Variants in CDYL observed in about 807,000 individuals in gnomAD.
CDYL encodes chromodomain Y like, also known as chromodomain Y-like protein.
CDYL carries 8 observed loss-of-function variants against 47.3 expected under a neutral mutation model. The ratio of observed to expected loss-of-function variants is 0.17; its 90% CI spans 0.10 to 0.31. The LOEUF (loss-of-function observed/expected upper bound fraction) is 0.31, where lower values mean the gene tolerates loss of function less well. CDYL is among the 10% of genes least tolerant of loss of function. CDYL has a pLI of 1.00. For missense variants in CDYL, 471 were observed against 701.4 expected (o/e 0.67, Z 3.71); for synonymous variants, 266 against 265.0 (o/e 1.00, Z -0.04).
intron 1 of CDYL, among the ~76,000 whole-genome samples, chr6:4,811,608 CT>C (rs397975784): frequency 0.016 from 2,044 of 126,710 alleles, 11 homozygotes; most frequent in African/African-American, 0.03. Context: ...TGACATTATT[CT>C]TTTTTTTTTT....
intron 3 of CDYL, among the ~76,000 whole-genome samples, chr6:4,757,917 G>T (rs1298688590): frequency 6.6e-6 from 1 of 151,912 alleles, no homozygotes; most frequent in Non-Finnish European, 1.5e-5. Context: ...CCAAAAGATG[G>T]CTTTATCACT....
intron 1 of CDYL, among the ~76,000 whole-genome samples, chr6:4,795,366 A>G (rs1759041469): frequency 6.6e-6 from 1 of 151,966 alleles, no homozygotes; most frequent in Non-Finnish European, 1.5e-5. Flanking sequence ...TTTCCTAATC[A>G]TTGTTATAAT....
rs73362517 is a variant in CDYL at position 4,785,171 on chromosome 6, C to T, written c.24+8364C>T. The stretch of plus-strand genomic sequence containing the variant: ...GTAGCCTGGAAGCAATAGGCTCTAC[C>T]ATACAGCCTAGGTGTGTAGTAGGCT... On this transcript the variant is annotated intron_variant, in intron 1 of 6. Coordinates refer to ENST00000397588, the MANE Select transcript of CDYL (RefSeq NM_004824.4). 8.2e-3 allele frequency among the ~76,000 whole-genome samples: 1,248 copies of T among 152,288 alleles called. 11 individuals are homozygous for T. The highest frequency in any genetic ancestry group is 0.029 in the African/African-American group (1,205 of 41,548).
At chr6:4,721,164 A>T (rs1757362068) in intron 2 of CDYL, among the ~76,000 whole-genome samples, 1 of 152,214 alleles carries the variant, frequency 6.6e-6, no homozygotes, top group East Asian at 1.9e-4. Context: ...ATAGGGAAAC[A>T]ATAAACTATT....
chr6:4,720,653 A>C (rs529408606), intron 2 of CDYL, among the ~76,000 whole-genome samples: 2 of 152,322 alleles, frequency 1.3e-5, no homozygotes, highest in African/African-American at 4.8e-5. Flanking sequence ...AACTTGTCCA[A>C]CTCCTAGAAG....
chr6:4,939,997 CAG>C (rs149071403), intron 4 of CDYL, among the ~76,000 whole-genome samples: 15,432 of 152,214 alleles, frequency 0.1, 965 homozygotes, highest in South Asian at 0.16. Flanking sequence ...TCGCCGGGTG[CAG>C]CTCACTCCTC....
intron 1 of CDYL, among the ~76,000 whole-genome samples, chr6:4,807,238 A>G (rs1759395937): frequency 6.6e-6 from 1 of 152,228 alleles, no homozygotes; most frequent in African/African-American, 2.4e-5. Flanking sequence ...AGCTCAGCCC[A>G]TACATTTCAG....
chr6:4,766,558 C>A (rs1391356455), intron 3 of CDYL, among the ~76,000 whole-genome samples: 1 of 151,982 alleles, frequency 6.6e-6, no homozygotes, highest in Admixed American at 6.6e-5. Context: ...TTAAAGTCTT[C>A]CAGTAAGAAT....
At chr6:4,738,264 C>G (rs1757738021) in intron 3 of CDYL, among the ~76,000 whole-genome samples, 1 of 152,138 alleles carries the variant, frequency 6.6e-6, no homozygotes, top group Admixed American at 6.6e-5. Context: ...GTAATCCCAA[C>G]TACTAGGGAG....
intron 1 of CDYL, among the ~76,000 whole-genome samples, chr6:4,805,498 T>A (rs993727510): frequency 2.0e-5 from 3 of 152,002 alleles, no homozygotes; most frequent in Non-Finnish European, 2.9e-5. Flanking sequence ...AGAACCAGAT[T>A]TATTATAGGG....
At chr6:4,851,732 G>A (rs910263452) in intron 1 of CDYL, among the ~76,000 whole-genome samples, 3 of 152,196 alleles carry the variant, frequency 2.0e-5, no homozygotes, top group East Asian at 3.9e-4. Context: ...GGCTGTGCAC[G>A]TAGTCATTCA....
intron 1 of CDYL, among the ~76,000 whole-genome samples, chr6:4,862,378 C>T (rs541037407): frequency 6.6e-6 from 1 of 152,188 alleles, no homozygotes; most frequent in South Asian, 2.1e-4. Context: ...GGCTTTAAGC[C>T]CATGACGTGG....
At chr6:4,723,679 T>A (rs1174231132) in intron 2 of CDYL, among the ~76,000 whole-genome samples, 1 of 152,108 alleles carries the variant, frequency 6.6e-6, no homozygotes, top group Non-Finnish European at 1.5e-5. Flanking sequence ...GGGGGCTTGT[T>A]GATGGAGTCC....
intron 1 of CDYL, among the ~76,000 whole-genome samples, chr6:4,827,709 G>A (rs532109974): frequency 4.6e-5 from 7 of 152,174 alleles, no homozygotes; most frequent in Admixed American, 1.3e-4. Flanking sequence ...AGGCTGGAGC[G>A]CAGTGGCATG....
chr6:4,758,721 C>G (rs1413893805), intron 3 of CDYL, among the ~76,000 whole-genome samples: 1 of 151,786 alleles, frequency 6.6e-6, no homozygotes, highest in Non-Finnish European at 1.5e-5. Context: ...GAATAAAAAC[C>G]CTATAATTCT....
chr6:4,869,870 C>A (rs1237372198), intron 1 of CDYL, among the ~76,000 whole-genome samples: 1 of 152,172 alleles, frequency 6.6e-6, no homozygotes, highest in Admixed American at 6.5e-5. Context: ...AAATAGTCTT[C>A]TGTATTTACT....
At chr6:4,812,227 A>G (rs190686066) in intron 1 of CDYL, among the ~76,000 whole-genome samples, 188 of 152,324 alleles carry the variant, frequency 1.2e-3, no homozygotes, top group Non-Finnish European at 1.5e-3. Flanking sequence ...AGATACCTCT[A>G]AAGATCACTC....
chr6:4,722,095 C>T (rs1416266209), intron 2 of CDYL, among the ~76,000 whole-genome samples: 3 of 152,126 alleles, frequency 2.0e-5, no homozygotes, highest in African/African-American at 4.8e-5. Context: ...CCTTTTGATC[C>T]GCATGCCTCA....
At chr6:4,730,338 A>G (rs1172664686) in intron 2 of CDYL, among the ~76,000 whole-genome samples, 1 of 152,126 alleles carries the variant, frequency 6.6e-6, no homozygotes, top group Non-Finnish European at 1.5e-5. Context: ...CTTGTTCATG[A>G]GCTAAGCTGA....
Sources: gnomAD v4.1 joint callset for allele counts (sites outside exome capture counted in the v4.1 genomes callset) on GRCh38, gnomAD v4.1.1 for gene constraint, MANE v1.5 for transcripts, NCBI Gene and HGNC (gene_info 2026-07-23, HGNC 2026-07-21) for gene names.